Variants in RREB1 observed in about 807,000 individuals in gnomAD.
RREB1 encodes ras-responsive element-binding protein 1.
Under a neutral mutation model 117.8 loss-of-function variants are expected in RREB1, and 27 were observed. The observed-to-expected ratio is 0.23, with a 90% CI of 0.17 to 0.32. RREB1 has a LOEUF of 0.32. Among genes scored for constraint, RREB1 ranks in the 10% least tolerant of loss-of-function variants. RREB1 has a pLI of 1.00. For synonymous variants in RREB1, 1,298 were observed against 1,026.7 expected, an observed-to-expected ratio of 1.26 and a Z score of -5.05; for missense variants, 2,577 against 2,378.2, an observed-to-expected ratio of 1.08 and a Z score of -1.74.
At chr6:7,239,458 C>T (rs1417090173) in intron 10 of RREB1, among the ~76,000 whole-genome samples, 2 of 152,222 alleles carry the variant, frequency 1.3e-5, no homozygotes, top group Non-Finnish European at 2.9e-5. Context: ...TTCTCCCTCA[C>T]ATGCATCCGC....
chr6:7,181,750 A>T, intron 3 of RREB1, 120 bp from the exon 4 acceptor site: 1 of 769,006 alleles, frequency 1.3e-6, no homozygotes, highest in Non-Finnish European at 2.2e-6. Flanking sequence ...TTAACTGGAG[A>T]AAGACAGCGT....
intron 1 of RREB1, among the ~76,000 whole-genome samples, chr6:7,123,095 TTACA>T (rs906979852): frequency 1.3e-5 from 2 of 152,222 alleles, no homozygotes; most frequent in African/African-American, 4.8e-5. Context: ...TTGGCATGTC[TTACA>T]TACGGCTGTT....
intron 5 of RREB1, among the ~76,000 whole-genome samples, chr6:7,188,404 C>T (rs1765216445): frequency 6.6e-6 from 1 of 152,034 alleles, no homozygotes. Flanking sequence ...GCGCCCACCA[C>T]CACGCCCAGC....
intron 1 of RREB1, among the ~76,000 whole-genome samples, chr6:7,127,830 C>CA (rs1762002586): frequency 6.6e-6 from 1 of 152,126 alleles, no homozygotes; most frequent in South Asian, 2.1e-4. Flanking sequence ...CATGTGCCCT[C>CA]ATCTGGGTCA....
intron 1 of RREB1, among the ~76,000 whole-genome samples, chr6:7,172,977 C>G (rs772451791): frequency 6.6e-6 from 1 of 152,206 alleles, no homozygotes; most frequent in Non-Finnish European, 1.5e-5. Flanking sequence ...CAAGCTCCCT[C>G]CTGGCTCAGA....
chr6:7,126,785 G>T (rs1761952569), intron 1 of RREB1, among the ~76,000 whole-genome samples: 1 of 152,162 alleles, frequency 6.6e-6, no homozygotes, highest in African/African-American at 2.4e-5. Context: ...CCATCAGCAA[G>T]CCTGCATCAA....
intron 10 of RREB1, among the ~76,000 whole-genome samples, chr6:7,237,778 C>A (rs967249253): frequency 6.6e-6 from 1 of 152,182 alleles, no homozygotes; most frequent in Non-Finnish European, 1.5e-5. Context: ...TCCAGAGAGC[C>A]CACCACTATG....
At chr6:7,243,893 G>GA (rs56261805) in intron 11 of RREB1, among the ~76,000 whole-genome samples, 6,574 of 144,924 alleles carry the variant, frequency 0.045, 187 homozygotes, top group African/African-American at 0.083. Context: ...GTTCTTTGCT[G>GA]AAAAAAAAAA....
At chr6:7,131,960 G>C (rs1297200137) in intron 1 of RREB1, among the ~76,000 whole-genome samples, 1 of 151,980 alleles carries the variant, frequency 6.6e-6, no homozygotes, top group Non-Finnish European at 1.5e-5. Context: ...CTGGGTTCCT[G>C]TGATTGTCGT....
chr6:7,177,218 CAA>C (rs552706086), intron 2 of RREB1, among the ~76,000 whole-genome samples: 17 of 34,934 alleles, frequency 4.9e-4, no homozygotes, highest in African/African-American at 9.4e-4. Context: ...GACTGTCTCA[CAA>C]AAAAAAAAAA....
At position 7,246,868 on chromosome 6, in the gene RREB1, A is replaced by G; in HGVS notation, c.4418A>G (p.Gln1473Arg). The change falls in exon 12 of 13, where the codon CAG (glutamine) becomes CGG (arginine). Residue 1473 changes from glutamine to arginine, a missense_variant. Coordinates refer to ENST00000379938, the MANE Select transcript of RREB1 (RefSeq NM_001003699.4). ...CGCCACCGGAAGGCGCACGGCCGCC[A>G]GGAGCCCAAGGACGAGAAGGGAGAT... is the stretch of plus-strand genomic sequence containing the variant. ...LSRHRKAHGRQEPKDEKGDGA... is the reference protein window; with the variant it reads ...LSRHRKAHGRREPKDEKGDGA... The G allele has an allele frequency of 6.4e-7, 1 of 1,552,604 alleles. No individual in the cohort carries two copies. Among genetic ancestry groups the G allele is most frequent in the East Asian group, 2.4e-5 (1 of 41,176 alleles).
At chr6:7,182,861 C>T (rs1764878916) in intron 4 of RREB1, among the ~76,000 whole-genome samples, 1 of 152,152 alleles carries the variant, frequency 6.6e-6, no homozygotes, top group Non-Finnish European at 1.5e-5. Flanking sequence ...TATACTAAAT[C>T]CTTGGAGAGA....
Position 7,117,938 on chromosome 6 carries a change from A to AT in RREB1, c.-285+9884dup, listed in dbSNP as rs568720008. Among the ~76,000 whole-genome samples, 206 of 152,248 alleles carry AT rather than the reference A, an allele frequency of 1.4e-3. 1 individual carries two copies. The highest frequency in any genetic ancestry group is 2.1e-3 in the Non-Finnish European group (142 of 68,018). On this transcript the variant is annotated intron_variant, in intron 1 of 12. Transcript: ENST00000379938. Reference sequence around the variant, plus strand: ...GACATAGTGTGTGGAAGTTCTTGGTATTTTTTATACAAGATGAAATCCTGG... The same window carrying AT: ...GACATAGTGTGTGGAAGTTCTTGGTATTTTTTTATACAAGATGAAATCCTGG...
chr6:7,177,001 G>GA, intron 2 of RREB1, among the ~76,000 whole-genome samples: 1 of 151,970 alleles, frequency 6.6e-6, no homozygotes, highest in Non-Finnish European at 1.5e-5. Context: ...CAGATCACTT[G>GA]AGGCCAGGCA....
intron 1 of RREB1, among the ~76,000 whole-genome samples, chr6:7,149,292 T>G (rs1187671708): frequency 6.6e-6 from 1 of 152,194 alleles, no homozygotes; most frequent in Admixed American, 6.5e-5. Context: ...GTCATGGATT[T>G]TTAAAAGCAA....
At chr6:7,211,385 T>TGGATGGATGGAC (rs1332000736) in intron 7 of RREB1, among the ~76,000 whole-genome samples, 188 bp from the exon 8 acceptor site, 2 of 151,384 alleles carry the variant, frequency 1.3e-5, no homozygotes, top group Admixed American at 6.6e-5. Flanking sequence ...GATGGATGGA[T>TGGATGGATGGAC]GGATGGTAGC....
chr6:7,222,463 C>T (rs1767321289), intron 8 of RREB1, among the ~76,000 whole-genome samples: 1 of 152,144 alleles, frequency 6.6e-6, no homozygotes, highest in African/African-American at 2.4e-5. Context: ...GAGCCCACAT[C>T]CCCCTACCAC....
In RREB1 at chr6:7,114,280, C is replaced by T. The variant is rs149979172; in HGVS notation, c.-285+6220C>T. Among the ~76,000 whole-genome samples the T allele has an allele frequency of 8.3e-3, 1,265 of 152,206 alleles. 20 individuals are homozygous for T. Among genetic ancestry groups the T allele is most frequent in the African/African-American group, 0.028 (1,170 of 41,486 alleles). On this transcript the variant is annotated intron_variant, in intron 1 of 12. Coordinates refer to ENST00000379938, the MANE Select transcript of RREB1 (RefSeq NM_001003699.4). ...GGGACTACAGGCACACACCACCACG[C>T]CCAGCTAATTTTTGTATTTTTAGTA... is the stretch of plus-strand genomic sequence containing the variant.
At chr6:7,179,724 GT>G (rs1162571544) in intron 2 of RREB1, among the ~76,000 whole-genome samples, 2 of 151,868 alleles carry the variant, frequency 1.3e-5, no homozygotes, top group African/African-American at 4.8e-5. Flanking sequence ...GTGTCTACAT[GT>G]TTTTTCCCTA....
Sources: gnomAD v4.1 joint callset for allele counts (sites outside exome capture counted in the v4.1 genomes callset) on GRCh38, gnomAD v4.1.1 for gene constraint, MANE v1.5 for transcripts, NCBI Gene and HGNC (gene_info 2026-07-23, HGNC 2026-07-21) for gene names.